PAIP2: variants seen among roughly 807,000 people sequenced by gnomAD.
The protein encoded by PAIP2 is polyadenylate-binding protein-interacting protein 2.
In PAIP2, 7 loss-of-function variants were observed where a neutral mutation model predicts 14.8. The ratio of observed to expected loss-of-function variants is 0.47; its 90% confidence interval spans 0.27 to 0.89. The LOEUF (loss-of-function observed/expected upper bound fraction) is 0.89, where lower values mean the gene tolerates loss of function less well. Among genes scored for constraint, PAIP2 ranks in the 40% least tolerant of loss-of-function variants. The probability of loss-of-function intolerance (pLI) is 0.13; values close to 1 mark genes in which losing one functional copy is unlikely to be tolerated. For synonymous variants in PAIP2, 47 were observed against 45.3 expected, an observed-to-expected ratio of 1.04 and a Z score of -0.15; for missense variants, 122 against 154.7, an observed-to-expected ratio of 0.79 and a Z score of 1.12.
At chr5:139,345,606 CAG>C (rs1271139061) in intron 1 of PAIP2, among the ~76,000 whole-genome samples, 1 of 150,724 alleles carries the variant, frequency 6.6e-6, no homozygotes, top group Non-Finnish European at 1.5e-5. Flanking sequence ...ATGAAAGAAA[CAG>C]AAGAGAACTA....
At chr5:139,358,257 A>G (rs1025023611) in intron 1 of PAIP2, among the ~76,000 whole-genome samples, 3 of 152,248 alleles carry the variant, frequency 2.0e-5, no homozygotes, top group Admixed American at 2.0e-4. Flanking sequence ...GAATTTGACC[A>G]TAATCCCTAC....
chr5:139,358,901 C>T (rs937793280), intron 1 of PAIP2, among the ~76,000 whole-genome samples: 12 of 152,150 alleles, frequency 7.9e-5, no homozygotes, highest in Admixed American at 2.0e-4. Context: ...ATGGAGTTTC[C>T]TTTTGGGGTG....
At chr5:139,367,046 C>G (rs948317512) in intron 3 of PAIP2, 3 of 152,078 alleles carry the variant, frequency 2.0e-5, no homozygotes, top group African/African-American at 7.2e-5. Flanking sequence ...AGCAACAGAG[C>G]GAGTCCATGT....
chr5:139,365,103 C>G, intron 3 of PAIP2: 1 of 153,026 alleles, frequency 6.5e-6, no homozygotes, highest in East Asian at 1.9e-4. Context: ...GAGATTGCAC[C>G]ATTGCACTCC....
chr5:139,345,325 C>T (rs967329001), intron 1 of PAIP2, among the ~76,000 whole-genome samples: 3 of 151,850 alleles, frequency 2.0e-5, no homozygotes, highest in Non-Finnish European at 2.9e-5. Context: ...AGGTGTGAGC[C>T]ACCGCGCCCA....
chr5:139,342,657 G>A (rs2152042250), intron 1 of PAIP2: 1 of 152,256 alleles, frequency 6.6e-6, no homozygotes, highest in South Asian at 2.1e-4. Context: ...TGAGTTAGAT[G>A]AACTTTAAGG....
At chr5:139,344,896 A>G (rs1756490302) in intron 1 of PAIP2, among the ~76,000 whole-genome samples, 1 of 152,054 alleles carries the variant, frequency 6.6e-6, no homozygotes, top group Non-Finnish European at 1.5e-5. Context: ...AGTTAATGCC[A>G]ATTGTTATGT....
At chr5:139,350,538 G>A (rs1035845674) in intron 1 of PAIP2, among the ~76,000 whole-genome samples, 1 of 151,958 alleles carries the variant, frequency 6.6e-6, no homozygotes, top group Non-Finnish European at 1.5e-5. Context: ...GGCTGAGACA[G>A]GAAAAGCACT....
chr5:139,347,859 TA>T (rs1311561493), intron 1 of PAIP2, among the ~76,000 whole-genome samples: 1 of 151,968 alleles, frequency 6.6e-6, no homozygotes, highest in African/African-American at 2.4e-5. Context: ...GATAGGAAGT[TA>T]GGGGAAGATG....
At chr5:139,356,279 C>A (rs1756910026) in intron 1 of PAIP2, among the ~76,000 whole-genome samples, 1 of 151,570 alleles carries the variant, frequency 6.6e-6, no homozygotes, top group South Asian at 2.1e-4. Flanking sequence ...AACCCCGTCT[C>A]TACTAAAAAT....
chr5:139,359,876 G>C (rs1757019048), intron 1 of PAIP2, among the ~76,000 whole-genome samples: 1 of 151,722 alleles, frequency 6.6e-6, no homozygotes, highest in Non-Finnish European at 1.5e-5. Flanking sequence ...GGAGGCGGAG[G>C]CAGGAGAATC....
chr5:139,361,935 CAAAAAA>C (rs34168919), intron 1 of PAIP2, among the ~76,000 whole-genome samples: 3 of 100,022 alleles, frequency 3.0e-5, no homozygotes, highest in African/African-American at 8.3e-5. Context: ...GACCCTGTCT[CAAAAAA>C]AAAAAAAAAA....
chr5:139,367,137 G>T (rs1757297316), intron 3 of PAIP2: 1 of 152,126 alleles, frequency 6.6e-6, no homozygotes, highest in Non-Finnish European at 1.5e-5. Context: ...TTTCCCTTGG[G>T]GGAAGGGAGA....
chr5:139,352,503 T>TTTTTTTTTTTTG (rs1581302085), intron 1 of PAIP2, among the ~76,000 whole-genome samples: 20 of 124,460 alleles, frequency 1.6e-4, no homozygotes, highest in Admixed American at 4.1e-4. Flanking sequence ...TTTTTTGTTG[T>TTTTTTTTTTTTG]TTTTTTTTTT....
intron 1 of PAIP2, among the ~76,000 whole-genome samples, chr5:139,361,034 T>G (rs2352031): frequency 0.55 from 83,413 of 151,960 alleles, 25,601 homozygotes; most frequent in Non-Finnish European, 0.7. Context: ...GCCTGCTTTG[T>G]CCTCCCAAAA....
chr5:139,343,959 G>A (rs1194172831), intron 1 of PAIP2, among the ~76,000 whole-genome samples: 1 of 151,936 alleles, frequency 6.6e-6, no homozygotes, highest in African/African-American at 2.4e-5. Flanking sequence ...TTTGTGATCC[G>A]CCCCCGTCGG....
At position 139,363,941 on chromosome 5, in the gene PAIP2, C is replaced by G. The variant is rs779691552; in HGVS notation, c.138+19C>G. ...CAGACAAGTTAGTTTTTTGTACAAA[C>G]ATGTTTTTATAGTCCATTCTGGCCC... On this transcript the variant is annotated intron_variant, in intron 2 of 3. Coordinates refer to ENST00000265192, the MANE Select transcript of PAIP2 (RefSeq NM_016480.5). 12 of 1,608,892 alleles carry G rather than the reference C, an allele frequency of 7.5e-6. No homozygotes were observed. The highest frequency in any genetic ancestry group is 1.6e-4 in the Middle Eastern group (1 of 6,066).
chr5:139,364,127 C>A, intron 2 of PAIP2: 1 of 551,866 alleles, frequency 1.8e-6, no homozygotes, highest in Non-Finnish European at 3.2e-6. Context: ...GGGTCCCACC[C>A]TAGAGATGTC....
At chr5:139,360,580 C>T (rs1332018655) in intron 1 of PAIP2, among the ~76,000 whole-genome samples, 1 of 151,968 alleles carries the variant, frequency 6.6e-6, no homozygotes. Context: ...GCAACCTCCA[C>T]CTCCCAGGGT....
Sources: allele counts gnomAD v4.1 joint callset (sites outside exome capture counted in the v4.1 genomes callset), GRCh38; gene constraint gnomAD v4.1.1; transcripts MANE v1.5; gene names NCBI Gene and HGNC (gene_info 2026-07-23, HGNC 2026-07-21).